ATAD1: variants seen among roughly 807,000 people sequenced by gnomAD.
The protein encoded by ATAD1 is outer mitochondrial transmembrane helix translocase.
Under a neutral mutation model 42.7 loss-of-function variants are expected in ATAD1, and 18 were observed. The observed-to-expected ratio is 0.42, with a 90% CI of 0.29 to 0.63. The LOEUF (loss-of-function observed/expected upper bound fraction) is 0.63. Among genes scored for constraint, ATAD1 ranks in the 20% least tolerant of loss-of-function variants. The pLI is 0.19. For missense variants in ATAD1, 294 were observed against 440.4 expected (o/e 0.67, Z 2.98); for synonymous variants, 132 against 143.1 (o/e 0.92, Z 0.55).
intron 2 of ATAD1, among the ~76,000 whole-genome samples, chr10:87,796,008 C>T (rs984403620): frequency 6.6e-6 from 1 of 152,144 alleles, no homozygotes; most frequent in African/African-American, 2.4e-5. Context: ...TGATATAAAG[C>T]TTTTTAAAAA....
chr10:87,777,225 A>G (rs1414059284), intron 5 of ATAD1, among the ~76,000 whole-genome samples: 1 of 151,658 alleles, frequency 6.6e-6, no homozygotes, highest in Admixed American at 6.6e-5. Context: ...CCTGAACCCT[A>G]TGTGCTCTTA....
At chr10:87,824,893 A>G (rs1443862606) in intron 1 of ATAD1, among the ~76,000 whole-genome samples, 1 of 152,240 alleles carries the variant, frequency 6.6e-6, no homozygotes, top group Non-Finnish European at 1.5e-5. Context: ...TGATAGTTAT[A>G]TAAAACCTGT....
chr10:87,802,654 A>G (rs1480262228), intron 2 of ATAD1, among the ~76,000 whole-genome samples: 1 of 151,940 alleles, frequency 6.6e-6, no homozygotes, highest in East Asian at 1.9e-4. Context: ...AAAAAAAAAA[A>G]AAGCCTATGT....
At chr10:87,836,256 G>T (rs75310278) in intron 1 of ATAD1, among the ~76,000 whole-genome samples, 1 of 151,944 alleles carries the variant, frequency 6.6e-6, no homozygotes, top group Non-Finnish European at 1.5e-5. Flanking sequence ...CTTCCGAGTC[G>T]CTAAGACTAC....
intron 2 of ATAD1, among the ~76,000 whole-genome samples, chr10:87,802,505 C>G (rs1017023253): frequency 6.6e-6 from 1 of 151,862 alleles, no homozygotes; most frequent in Non-Finnish European, 1.5e-5. Context: ...CTATCAAAGC[C>G]AATTTAAAAG....
chr10:87,777,481 A>C (rs1345813491), intron 5 of ATAD1, among the ~76,000 whole-genome samples: 1 of 152,202 alleles, frequency 6.6e-6, no homozygotes, highest in African/African-American at 2.4e-5. Context: ...TTTCTCTTTT[A>C]AATTATTTTC....
At chr10:87,784,821 G>A in intron 4 of ATAD1, 151 bp from the exon 5 acceptor site, 1 of 719,908 alleles carries the variant, frequency 1.4e-6, no homozygotes, top group African/African-American at 1.8e-5. Context: ...TAAGATAGAA[G>A]AAAGGAAGAT....
chr10:87,803,465 C>T (rs1448398026), intron 2 of ATAD1, among the ~76,000 whole-genome samples: 5 of 152,210 alleles, frequency 3.3e-5, no homozygotes, highest in African/African-American at 4.8e-5. Flanking sequence ...CTGAGATAAA[C>T]GCGTATCTGC....
At chr10:87,839,597 A>C (rs10509412) in intron 1 of ATAD1, among the ~76,000 whole-genome samples, 47,558 of 152,050 alleles carry the variant, frequency 0.31, 8,579 homozygotes, top group East Asian at 0.51. Context: ...GAACTAGGCT[A>C]TTGTCTCAAG....
At chr10:87,792,990 T>C (rs1028132591) in intron 2 of ATAD1, among the ~76,000 whole-genome samples, 7 of 151,856 alleles carry the variant, frequency 4.6e-5, no homozygotes, top group Non-Finnish European at 8.8e-5. Context: ...AATGAGAAAA[T>C]AGGGTATGTG....
At chr10:87,798,555 G>GTT (rs147661158) in intron 2 of ATAD1, among the ~76,000 whole-genome samples, 21 of 141,188 alleles carry the variant, frequency 1.5e-4, no homozygotes, top group African/African-American at 5.4e-4. Flanking sequence ...GGTTTTTTGT[G>GTT]TTTTTTTTTT....
chr10:87,775,036 G>T (rs1391435995), intron 6 of ATAD1, among the ~76,000 whole-genome samples: 3 of 152,128 alleles, frequency 2.0e-5, no homozygotes, highest in Non-Finnish European at 4.4e-5. Flanking sequence ...AAAACATGGA[G>T]AACAATAATT....
intron 8 of ATAD1, among the ~76,000 whole-genome samples, chr10:87,765,630 T>C (rs1192413372): frequency 1.3e-5 from 2 of 152,080 alleles, no homozygotes; most frequent in Admixed American, 6.6e-5. Context: ...AATAGAAAAA[T>C]GGGCAAAATA....
At chr10:87,829,245 AT>A (rs1857785940) in intron 1 of ATAD1, among the ~76,000 whole-genome samples, 1 of 149,320 alleles carries the variant, frequency 6.7e-6, no homozygotes, top group Non-Finnish European at 1.5e-5. Flanking sequence ...TTATTTATTT[AT>A]TTATTTATTT....
chr10:87,828,881 C>G (rs1389456339), intron 1 of ATAD1, among the ~76,000 whole-genome samples: 1 of 152,180 alleles, frequency 6.6e-6, no homozygotes, highest in Non-Finnish European at 1.5e-5. Flanking sequence ...AACAACAAAG[C>G]TGGGATGACA....
intron 5 of ATAD1, 59 bp from the exon 6 acceptor site, chr10:87,776,486 T>C: frequency 2.2e-6 from 3 of 1,388,282 alleles, no homozygotes; most frequent in Non-Finnish European, 3.1e-6. Flanking sequence ...CCCTTTTTTT[T>C]GAGACAGGGT....
chr10:87,756,480 T>A (rs1854227754), intron 9 of ATAD1, among the ~76,000 whole-genome samples: 1 of 152,246 alleles, frequency 6.6e-6, no homozygotes, highest in Non-Finnish European at 1.5e-5. Flanking sequence ...AATTGAGGTC[T>A]AGTCTTCAAT....
At position 87,767,672 on chromosome 10, in the gene ATAD1, C is replaced by G; in HGVS notation, c.831+1G>C. 6.2e-7 allele frequency: 1 copy of G among 1,609,722 alleles called. No homozygotes were observed. Among genetic ancestry groups the G allele is most frequent in the Non-Finnish European group, 8.5e-7 (1 of 1,177,854 alleles). On this transcript the variant is annotated splice_donor_variant, in intron 8 of 9. Transcript: ENST00000680024. LOFTEE classifies it high-confidence loss of function. ...GGAAAAAATTTTTATTTTCTACTTA[C>G]ATTTTCATTTTTCAAGATGAGTTTC...
At chr10:87,802,027 C>T (rs1469277596) in intron 2 of ATAD1, among the ~76,000 whole-genome samples, 1 of 152,064 alleles carries the variant, frequency 6.6e-6, no homozygotes, top group Non-Finnish European at 1.5e-5. Flanking sequence ...TCAGTAGACT[C>T]CTATGAACAA....
Sources: gnomAD v4.1 joint callset for allele counts (sites outside exome capture counted in the v4.1 genomes callset) on GRCh38, gnomAD v4.1.1 for gene constraint, MANE v1.5 for transcripts, NCBI Gene and HGNC (gene_info 2026-07-23, HGNC 2026-07-21) for gene names.